TACC1: variants seen among roughly 807,000 people sequenced by gnomAD.
TACC1 encodes the protein transforming acidic coiled-coil-containing protein 1.
A neutral mutation model predicts 84.4 loss-of-function variants in TACC1; 48 were observed. The observed-to-expected ratio is 0.57, with a 90% CI of 0.45 to 0.72. The LOEUF is 0.72. Among genes scored for constraint, TACC1 ranks in the 30% least tolerant of loss-of-function variants. The probability of loss-of-function intolerance (pLI) is 0.00; values close to 1 mark genes in which losing one functional copy is unlikely to be tolerated. For missense variants in TACC1, 920 were observed against 973.0 expected, an observed-to-expected ratio of 0.95 and a Z score of 0.72; for synonymous variants, 372 against 376.3, an observed-to-expected ratio of 0.99 and a Z score of 0.13.
rs112462308 is a variant in TACC1, at chr8:38,798,230, C to T, written c.277+9411C>T. Among the ~76,000 whole-genome samples the T allele has an allele frequency of 6.2e-3, 937 of 152,086 alleles. 9 individuals are homozygous for T. Among genetic ancestry groups the T allele is most frequent in the African/African-American group, 0.021 (876 of 41,446 alleles). On this transcript the variant is annotated intron_variant, in intron 2 of 12. Coordinates refer to ENST00000317827, the MANE Select transcript of TACC1 (RefSeq NM_006283.3). Reference sequence around the variant, plus strand: ...CCTCAACTCCCAGTCTTAAGGGATCCTCCTGACTCAGCCTTCCGAGTAGCT... The same window carrying T: ...CCTCAACTCCCAGTCTTAAGGGATCTTCCTGACTCAGCCTTCCGAGTAGCT...
chr8:38,780,960 C>T (rs1416950399), intron 3 of TACC1, among the ~76,000 whole-genome samples: 7 of 152,184 alleles, frequency 4.6e-5, no homozygotes, highest in Non-Finnish European at 1.0e-4. Context: ...GTCACAAACA[C>T]ATGAGTTACT....
intron 3 of TACC1, among the ~76,000 whole-genome samples, chr8:38,770,680 G>A (rs1250167251): frequency 1.3e-5 from 2 of 152,142 alleles, no homozygotes; most frequent in African/African-American, 4.8e-5. Context: ...TTAAAGTGTG[G>A]CGGGCTGGAG....
At chr8:38,811,293 T>C (rs1244373183) in intron 2 of TACC1, among the ~76,000 whole-genome samples, 1 of 151,914 alleles carries the variant, frequency 6.6e-6, no homozygotes, top group Non-Finnish European at 1.5e-5. Context: ...TGAATCTCAC[T>C]GAATGGCACT....
intron 2 of TACC1, among the ~76,000 whole-genome samples, chr8:38,815,667 C>T (rs1825273801): frequency 6.6e-6 from 1 of 152,106 alleles, no homozygotes; most frequent in Non-Finnish European, 1.5e-5. Context: ...GATCTGCCCG[C>T]CTCGGCCTCC....
At chr8:38,769,205 ATTGTGTGGTGTG>A in intron 3 of TACC1, among the ~76,000 whole-genome samples, 1 of 87,852 alleles carries the variant, frequency 1.1e-5, no homozygotes, top group East Asian at 4.3e-4. Context: ...GGTGTGTGTG[ATTGTGTGGTGTG>A]TGTATGTGTA....
intron 3 of TACC1, among the ~76,000 whole-genome samples, chr8:38,759,855 T>C (rs910562956): frequency 2.0e-5 from 3 of 152,218 alleles, no homozygotes; most frequent in African/African-American, 4.8e-5. Context: ...ATCCAAGTTC[T>C]GCCTTGTTCA....
chr8:38,825,360 T>C lies in TACC1; in HGVS notation c.1444T>C (p.Cys482Arg), dbSNP rs1827810171. ...HETQSLALDA[C>R]SRDEGAVISQ... ...AACTCAGTCTCTCGCCCTGGATGCA[T>C]GTTCTCGGGTGAGTCTGTGCCCATC... Residue 482 changes from cysteine to arginine, a missense_variant, in exon 4 of 13, where the codon TGT (cysteine) becomes CGT (arginine). Coordinates refer to ENST00000317827, the MANE Select transcript of TACC1 (RefSeq NM_006283.3). 6.2e-7 allele frequency: 1 copy of C among 1,614,160 alleles called. No homozygotes were observed. Among genetic ancestry groups the C allele is most frequent in the African/African-American group, 1.3e-5 (1 of 75,052 alleles).
chr8:38,790,758 A>C (rs1163087059), intron 2 of TACC1, among the ~76,000 whole-genome samples: 1 of 152,206 alleles, frequency 6.6e-6, no homozygotes, highest in Non-Finnish European at 1.5e-5. Flanking sequence ...TTTTGCTTTA[A>C]ATTGATAGCT....
chr8:38,843,232 TG>T, intron 10 of TACC1, 56 bp from the exon 11 acceptor site: 3 of 1,185,332 alleles, frequency 2.5e-6, no homozygotes, highest in Non-Finnish European at 3.6e-6. Flanking sequence ...CTCTGATATG[TG>T]GTAGATTAGA....
At chr8:38,773,449 TATA>T (rs1368557412) in intron 3 of TACC1, among the ~76,000 whole-genome samples, 1 of 148,630 alleles carries the variant, frequency 6.7e-6, no homozygotes, top group Non-Finnish European at 1.5e-5. Flanking sequence ...TAAATACTAA[TATA>T]ATATAAACAT....
intron 3 of TACC1, among the ~76,000 whole-genome samples, chr8:38,750,799 A>G (rs1304509622): frequency 3.9e-5 from 6 of 152,248 alleles, no homozygotes; most frequent in Non-Finnish European, 8.8e-5. Flanking sequence ...ATCTGCATAA[A>G]TGAACAGCTA....
rs1832668434 is a variant in TACC1, at chr8:38,848,258, A to G, written c.*235A>G. ...TGACCTGACAGTGCTGGAGCCTCCTAGTTTCCCCCTATGAAGGTTCCCTTA... is the reference window on the plus strand; with the variant it reads ...TGACCTGACAGTGCTGGAGCCTCCTGGTTTCCCCCTATGAAGGTTCCCTTA... On this transcript the variant is annotated 3_prime_UTR_variant, in exon 13 of 13. Transcript: ENST00000317827. 2.7e-6 allele frequency: 1 copy of G among 365,506 alleles called. No individual in the cohort carries two copies. Among genetic ancestry groups the G allele is most frequent in the African/African-American group, 2.1e-5 (1 of 48,030 alleles). 22.6% of individuals were successfully genotyped at this position (365,506 alleles called of 1,614,324 possible). A position where few individuals can be genotyped will look rare whatever the true frequency, so the allele number is the denominator to read the frequency against.
Position 38,819,557 on chromosome 8 carries a change from G to A in TACC1, c.313G>A (p.Val105Met), listed in dbSNP as rs1187297618. 2.5e-6 allele frequency: 4 copies of A among 1,612,498 alleles called. 1 individual carries two copies. The highest frequency in any genetic ancestry group is 2.2e-5 in the South Asian group (2 of 91,048). Residue 105 changes from valine to methionine, a missense_variant, in exon 3 of 13, where the codon GTG (valine) becomes ATG (methionine). Physicochemically the swap from Val to Met is conservative, Grantham distance 21. Coordinates refer to ENST00000317827, the MANE Select transcript of TACC1 (RefSeq NM_006283.3). The stretch of plus-strand genomic sequence containing the variant: ...AGCTGATGAACAGCTTGTAGCAGAA[G>A]TGGTTGAAAAATGTTCATCTAAGAC... ...QEADEQLVAE[V>M]VEKCSSKTCS...
chr8:38,823,586 G>A (rs1827348875), intron 3 of TACC1, among the ~76,000 whole-genome samples: 1 of 152,194 alleles, frequency 6.6e-6, no homozygotes, highest in Non-Finnish European at 1.5e-5. Flanking sequence ...CCCTCACCCA[G>A]TAGCCTTTTT....
intron 1 of TACC1, among the ~76,000 whole-genome samples, chr8:38,732,222 A>C (rs925034235): frequency 1.3e-5 from 2 of 152,230 alleles, no homozygotes; most frequent in Admixed American, 1.3e-4. Context: ...AGAAAATGGT[A>C]TAAGTGTAAT....
intron 1 of TACC1, among the ~76,000 whole-genome samples, chr8:38,735,168 C>T (rs1252394636): frequency 6.6e-6 from 1 of 152,200 alleles, no homozygotes; most frequent in Non-Finnish European, 1.5e-5. Flanking sequence ...GAATCATGAG[C>T]ACCAGAGCTG....
chr8:38,827,067 T>C (rs567891942), intron 4 of TACC1, 101 bp from the exon 5 acceptor site: 28 of 988,800 alleles, frequency 2.8e-5, no homozygotes, highest in East Asian at 4.9e-5. Context: ...CTCTCACATA[T>C]CTGTATGGAG....
chr8:38,771,233 T>C (rs114798517), intron 3 of TACC1, among the ~76,000 whole-genome samples: 4,313 of 151,932 alleles, frequency 0.028, 184 homozygotes, highest in African/African-American at 0.092. Flanking sequence ...AACCCTGGAG[T>C]TGGAGTTGGG....
intron 3 of TACC1, among the ~76,000 whole-genome samples, chr8:38,776,773 C>G (rs1345076130): frequency 6.6e-6 from 1 of 151,370 alleles, no homozygotes; most frequent in Non-Finnish European, 1.5e-5. Flanking sequence ...TTTAAAAATG[C>G]TTCCATCTTT....
Sources: gnomAD v4.1 joint callset for allele counts (sites outside exome capture counted in the v4.1 genomes callset) on GRCh38, gnomAD v4.1.1 for gene constraint, MANE v1.5 for transcripts, NCBI Gene and HGNC (gene_info 2026-07-23, HGNC 2026-07-21) for gene names.